Variants in DOCK4 observed in about 807,000 individuals in gnomAD.
DOCK4 encodes the protein dedicator of cytokinesis protein 4.
DOCK4 carries 97 observed loss-of-function variants against 268.1 expected under a neutral mutation model. That is an observed-to-expected ratio of 0.36 (90% CI 0.31 to 0.43). The LOEUF is 0.43. DOCK4 is among the 20% of genes least tolerant of loss of function. DOCK4 has a pLI of 1.00. For synonymous variants in DOCK4, 954 were observed against 887.2 expected (o/e 1.08, Z -1.34); for missense variants, 2,145 against 2,455.7 (o/e 0.87, Z 2.67).
intron 22 of DOCK4, among the ~76,000 whole-genome samples, 153 bp from the exon 23 acceptor site, chr7:111,863,717 T>A (rs767489492): frequency 6.6e-5 from 10 of 152,174 alleles, no homozygotes; most frequent in Non-Finnish European, 1.0e-4. Flanking sequence ...AAAAGGTAAA[T>A]TTTTAAAAAG....
intron 1 of DOCK4, among the ~76,000 whole-genome samples, chr7:112,070,008 C>G (rs1807444278): frequency 6.6e-6 from 1 of 152,106 alleles, no homozygotes; most frequent in Non-Finnish European, 1.5e-5. Context: ...GAGTTCCGAT[C>G]TTAGCCAGAA....
At chr7:112,078,002 A>C (rs1808238643) in intron 1 of DOCK4, among the ~76,000 whole-genome samples, 1 of 152,120 alleles carries the variant, frequency 6.6e-6, no homozygotes, top group African/African-American at 2.4e-5. Context: ...ATTCTATTAT[A>C]TTTATTAAAT....
intron 16 of DOCK4, among the ~76,000 whole-genome samples, chr7:111,880,879 A>G (rs1017017460): frequency 9.1e-5 from 10 of 109,398 alleles, no homozygotes; most frequent in African/African-American, 4.5e-4. Context: ...ATGCAGAAGA[A>G]TGAAACTTGC....
chr7:111,878,198 T>C (rs2134271391), intron 16 of DOCK4, among the ~76,000 whole-genome samples: 2 of 152,304 alleles, frequency 1.3e-5, no homozygotes, highest in Middle Eastern at 6.8e-3. Flanking sequence ...TTGTTCTAGA[T>C]TAAACAACAC....
At chr7:111,984,214 T>G in intron 7 of DOCK4, 92 bp downstream of exon 7, 1 of 1,147,728 alleles carries the variant, frequency 8.7e-7, no homozygotes, top group South Asian at 1.5e-5. Flanking sequence ...TCCTGGAACA[T>G]CCTGTTCTTA....
chr7:112,096,099 A>T (rs1177447843), intron 1 of DOCK4, among the ~76,000 whole-genome samples: 1 of 152,184 alleles, frequency 6.6e-6, no homozygotes, highest in Non-Finnish European at 1.5e-5. Flanking sequence ...CTCGTAATAA[A>T]TAAATAAATA....
At chr7:111,899,586 G>A (rs766945714) in intron 15 of DOCK4, among the ~76,000 whole-genome samples, 1 of 152,224 alleles carries the variant, frequency 6.6e-6, no homozygotes, top group Non-Finnish European at 1.5e-5. Flanking sequence ...CAATGCCCAT[G>A]TGGACAAACC....
At chr7:112,204,651 A>T (rs1274303022) in intron 1 of DOCK4, among the ~76,000 whole-genome samples, 1 of 152,148 alleles carries the variant, frequency 6.6e-6, no homozygotes. Flanking sequence ...ACAATCCAGA[A>T]TGGAAGCTAA....
intron 21 of DOCK4, among the ~76,000 whole-genome samples, chr7:111,869,048 A>T (rs1259834373): frequency 6.6e-6 from 1 of 152,180 alleles, no homozygotes; most frequent in African/African-American, 2.4e-5. Context: ...CTCTTTTTCA[A>T]CATGTTTGCA....
At chr7:112,150,904 C>T (rs1266936550) in intron 1 of DOCK4, among the ~76,000 whole-genome samples, 1 of 152,146 alleles carries the variant, frequency 6.6e-6, no homozygotes, top group Non-Finnish European at 1.5e-5. Context: ...TACTTGGCCC[C>T]AGCCAGACTG....
chr7:112,006,353 T>C (rs1219129302), intron 1 of DOCK4, among the ~76,000 whole-genome samples: 1 of 152,218 alleles, frequency 6.6e-6, no homozygotes, highest in African/African-American at 2.4e-5. Flanking sequence ...TCGGGTTCTT[T>C]TATTATTGAG....
intron 1 of DOCK4, among the ~76,000 whole-genome samples, chr7:112,064,349 G>A (rs946932535): frequency 6.6e-6 from 1 of 152,156 alleles, no homozygotes; most frequent in Non-Finnish European, 1.5e-5. Context: ...ACCTAGGATG[G>A]GTTCTACTGT....
intron 1 of DOCK4, among the ~76,000 whole-genome samples, chr7:112,036,308 C>T (rs969962230): frequency 1.5e-4 from 23 of 151,696 alleles, no homozygotes; most frequent in African/African-American, 4.1e-4. Context: ...AAAACTGTGG[C>T]GAAAGGATTA....
chr7:111,848,649 T>C (rs1346020566), intron 23 of DOCK4, among the ~76,000 whole-genome samples: 2 of 152,210 alleles, frequency 1.3e-5, no homozygotes, highest in Non-Finnish European at 2.9e-5. Flanking sequence ...AAAAACACCA[T>C]GGTCTGGGGC....
chr7:111,944,178 T>A (rs1181461384), intron 10 of DOCK4, among the ~76,000 whole-genome samples: 2 of 152,196 alleles, frequency 1.3e-5, no homozygotes, highest in Non-Finnish European at 2.9e-5. Flanking sequence ...TTAAAGTGGG[T>A]TCTGCAAGAT....
At chr7:111,759,111 G>C (rs979032750) in intron 40 of DOCK4, among the ~76,000 whole-genome samples, 18 of 152,092 alleles carry the variant, frequency 1.2e-4, no homozygotes, top group Non-Finnish European at 2.2e-4. Flanking sequence ...GGAATGGTTT[G>C]GGCCTTAGAT....
intron 44 of DOCK4, 25 bp downstream of exon 44, chr7:111,746,309 G>C (rs3735535): frequency 0.32 from 515,371 of 1,593,664 alleles, 89,149 homozygotes; most frequent in East Asian, 0.58. Flanking sequence ...CAAAATAGAA[G>C]GGGGTTGGCT....
intron 8 of DOCK4, among the ~76,000 whole-genome samples, chr7:111,971,054 G>A (rs967399148): frequency 2.6e-5 from 4 of 152,190 alleles, no homozygotes; most frequent in African/African-American, 4.8e-5. Flanking sequence ...CTGAGTGAAC[G>A]AGAAAGGGAG....
chr7:112,054,625 T>C (rs559734367), intron 1 of DOCK4, among the ~76,000 whole-genome samples: 4 of 152,240 alleles, frequency 2.6e-5, no homozygotes, highest in Non-Finnish European at 5.9e-5. Context: ...TCAGTTCTTG[T>C]AGGGAGAAAA....
Sources: allele counts gnomAD v4.1 joint callset (sites outside exome capture counted in the v4.1 genomes callset), GRCh38; gene constraint gnomAD v4.1.1; transcripts MANE v1.5; gene names NCBI Gene and HGNC (gene_info 2026-07-23, HGNC 2026-07-21).